The following FHIT variants were observed in gnomAD, a reference collection of about 807,000 sequenced individuals.
FHIT encodes the protein bis(5'-adenosyl)-triphosphatase.
FHIT carries 19 observed loss-of-function variants against 17.9 expected under a neutral mutation model. That is an observed-to-expected ratio of 1.06 (90% CI 0.74 to 1.56). FHIT has a LOEUF of 1.56. Among genes scored for constraint, FHIT ranks in the 40% most tolerant of loss-of-function variants. FHIT has a pLI of 0.00. For synonymous variants in FHIT, 81 were observed against 69.7 expected (o/e 1.16, Z -0.81); for missense variants, 248 against 189.2 (o/e 1.31, Z -1.82).
chr3:59,960,622 G>A (rs999194261), intron 7 of FHIT, among the ~76,000 whole-genome samples: 59 of 152,148 alleles, frequency 3.9e-4, no homozygotes, highest in African/African-American at 8.7e-4. Flanking sequence ...AGATAGAGAA[G>A]GGGTACTTTG....
At chr3:59,792,871 T>C (rs1051987041) in intron 8 of FHIT, among the ~76,000 whole-genome samples, 1 of 118,812 alleles carries the variant, frequency 8.4e-6, no homozygotes, top group Non-Finnish European at 1.7e-5. Flanking sequence ...TCCTTATTTT[T>C]TGGGGGGGGG....
intron 9 of FHIT, chr3:59,751,626 T>C (rs182723352): frequency 1.3e-5 from 3 of 223,882 alleles, no homozygotes; most frequent in Non-Finnish European, 2.7e-5. Context: ...TCTCAACAGT[T>C]AGTCATCATT....
chr3:60,537,686 T>C (rs915345848), intron 4 of FHIT, among the ~76,000 whole-genome samples: 3 of 152,140 alleles, frequency 2.0e-5, no homozygotes, highest in Non-Finnish European at 4.4e-5. Flanking sequence ...AAAGGGAGGC[T>C]GAAGGGAATT....
intron 5 of FHIT, among the ~76,000 whole-genome samples, chr3:60,132,199 A>G (rs1199577934): frequency 6.6e-6 from 1 of 152,092 alleles, no homozygotes; most frequent in Non-Finnish European, 1.5e-5. Context: ...TGTTTCCTTC[A>G]TAATAATTCT....
At chr3:60,692,404 TAA>T (rs1553699708) in intron 4 of FHIT, among the ~76,000 whole-genome samples, 1 of 152,142 alleles carries the variant, frequency 6.6e-6, no homozygotes, top group Non-Finnish European at 1.5e-5. Flanking sequence ...CGTCTGACCT[TAA>T]AACAGGGAGA....
intron 5 of FHIT, among the ~76,000 whole-genome samples, chr3:60,303,968 C>A (rs534465105): frequency 2.0e-5 from 3 of 152,234 alleles, no homozygotes; most frequent in African/African-American, 7.2e-5. Flanking sequence ...ATGCATTTCC[C>A]TCCAATGAGA....
intron 7 of FHIT, among the ~76,000 whole-genome samples, chr3:59,968,425 C>CAAAACA (rs570855643): frequency 3.1e-4 from 46 of 150,462 alleles, no homozygotes; most frequent in East Asian, 5.9e-4. Flanking sequence ...AGTAGGCTAT[C>CAAAACA]AAAACAAAAA....
chr3:61,188,728 T>C (rs2107198725), intron 2 of FHIT, among the ~76,000 whole-genome samples: 1 of 152,176 alleles, frequency 6.6e-6, no homozygotes, highest in Non-Finnish European at 1.5e-5. Context: ...AAAAAGCTTA[T>C]CCACCATGAT....
intron 7 of FHIT, among the ~76,000 whole-genome samples, chr3:59,935,843 T>A (rs35886433): frequency 0.098 from 14,864 of 152,176 alleles, 828 homozygotes; most frequent in South Asian, 0.12. Flanking sequence ...AAAGAAGAAA[T>A]ATATGCACTG....
intron 8 of FHIT, among the ~76,000 whole-genome samples, chr3:59,843,907 G>A (rs34420878): frequency 0.032 from 4,908 of 152,194 alleles, 126 homozygotes; most frequent in Non-Finnish European, 0.047. Flanking sequence ...CTAGTGGGAG[G>A]TGACTGGGTC....
chr3:60,993,353 C>G (rs1359485130), intron 3 of FHIT, among the ~76,000 whole-genome samples: 1 of 152,208 alleles, frequency 6.6e-6, no homozygotes, highest in East Asian at 1.9e-4. Context: ...GACTGTCCGT[C>G]TTGGCACTGC....
chr3:60,012,114 C>G (rs951718214), intron 6 of FHIT, among the ~76,000 whole-genome samples: 4 of 151,932 alleles, frequency 2.6e-5, no homozygotes, highest in African/African-American at 9.7e-5. Flanking sequence ...GCCTGACTAA[C>G]GGGGTGAGAA....
At chr3:60,796,535 G>C (rs1700986407) in intron 4 of FHIT, among the ~76,000 whole-genome samples, 1 of 152,108 alleles carries the variant, frequency 6.6e-6, no homozygotes, top group South Asian at 2.1e-4. Flanking sequence ...TTCAAGTTGG[G>C]TTTAAAATGT....
At chr3:60,452,685 T>A (rs2031827569) in intron 5 of FHIT, among the ~76,000 whole-genome samples, 1 of 152,190 alleles carries the variant, frequency 6.6e-6, no homozygotes, top group African/African-American at 2.4e-5. Context: ...TTGTTTACAT[T>A]ATTAATTTGC....
chr3:61,227,543 A>C (rs1320823661), intron 1 of FHIT, among the ~76,000 whole-genome samples: 4 of 152,200 alleles, frequency 2.6e-5, no homozygotes, highest in African/African-American at 4.8e-5. Flanking sequence ...GTATAAGTAC[A>C]TGAAAATTAA....
At chr3:60,974,787 C>T (rs1178542996) in intron 3 of FHIT, among the ~76,000 whole-genome samples, 1 of 152,104 alleles carries the variant, frequency 6.6e-6, no homozygotes, top group Non-Finnish European at 1.5e-5. Context: ...GTTTTACTTT[C>T]CCACCTACAT....
intron 4 of FHIT, among the ~76,000 whole-genome samples, chr3:60,809,868 T>A (rs2106709644): frequency 6.6e-6 from 1 of 152,322 alleles, no homozygotes; most frequent in East Asian, 1.9e-4. Context: ...TGGCTCATAC[T>A]AGAATCCCCT....
At chr3:61,115,771 G>A (rs1461398108) in intron 2 of FHIT, among the ~76,000 whole-genome samples, 4 of 152,108 alleles carry the variant, frequency 2.6e-5, no homozygotes, top group African/African-American at 4.8e-5. Flanking sequence ...ACTCCGGCTG[G>A]CCATTGCAGC....
chr3:61,240,606 C>A (rs537592396), intron 1 of FHIT, among the ~76,000 whole-genome samples: 1 of 152,150 alleles, frequency 6.6e-6, no homozygotes, highest in Admixed American at 6.5e-5. Flanking sequence ...TATATTTCAG[C>A]CCATACAATT....
Sources: allele counts gnomAD v4.1 joint callset (sites outside exome capture counted in the v4.1 genomes callset), GRCh38; gene constraint gnomAD v4.1.1; transcripts MANE v1.5; gene names NCBI Gene and HGNC (gene_info 2026-07-23, HGNC 2026-07-21).